Variants in FHIT observed in about 807,000 individuals in gnomAD.
FHIT encodes the protein bis(5'-adenosyl)-triphosphatase.
In FHIT, 19 loss-of-function variants were observed where a neutral mutation model predicts 17.9. That is an observed-to-expected ratio of 1.06 (90% CI 0.74 to 1.56). FHIT has a LOEUF of 1.56. FHIT is among the 40% of genes most tolerant of loss of function. The probability of loss-of-function intolerance (pLI) is 0.00; values close to 1 mark genes in which losing one functional copy is unlikely to be tolerated. For synonymous variants in FHIT, 81 were observed against 69.7 expected (o/e 1.16, Z -0.81); for missense variants, 248 against 189.2 (o/e 1.31, Z -1.82).
chr3:60,252,744 A>C (rs1410228500), intron 5 of FHIT, among the ~76,000 whole-genome samples: 1 of 152,074 alleles, frequency 6.6e-6, no homozygotes, highest in Non-Finnish European at 1.5e-5. Context: ...TAATCCCAGC[A>C]CTTTGGGAGG....
chr3:61,109,775 C>CTTT (rs1167690358), intron 2 of FHIT, among the ~76,000 whole-genome samples: 1 of 152,204 alleles, frequency 6.6e-6, no homozygotes, highest in Non-Finnish European at 1.5e-5. Context: ...CACACAAACA[C>CTTT]ATACCTGAGC....
At chr3:60,435,624 T>G (rs1388031170) in intron 5 of FHIT, among the ~76,000 whole-genome samples, 1 of 152,088 alleles carries the variant, frequency 6.6e-6, no homozygotes, top group African/African-American at 2.4e-5. Flanking sequence ...TTGAGTTACT[T>G]TGTTTTTTAA....
At chr3:60,042,161 T>G (rs528666359) in intron 5 of FHIT, among the ~76,000 whole-genome samples, 2 of 152,142 alleles carry the variant, frequency 1.3e-5, no homozygotes, top group South Asian at 4.2e-4. Flanking sequence ...GTTCAATCAA[T>G]CCCCCAGGAA....
rs188201530 is a variant in FHIT, at chr3:60,064,646, C to T, written c.104-50494G>A. ...CAGACATGAGGAAAAGCAAAGTTTG[C>T]ATGTGCACATACACACAACACAAGC... On this transcript the variant is annotated intron_variant, in intron 5 of 9. Coordinates refer to ENST00000492590, the MANE Select transcript of FHIT (RefSeq NM_002012.4). Among the ~76,000 whole-genome samples the T allele has an allele frequency of 1.2e-4, 18 of 152,284 alleles. No homozygotes were observed. The East Asian group carries it at 3.3e-3, about 28-fold the overall frequency.
At chr3:60,418,378 A>G (rs28452132) in intron 5 of FHIT, among the ~76,000 whole-genome samples, 1,954 of 4,656 alleles carry the variant, frequency 0.42, 65 homozygotes, top group Middle Eastern at 0.5. Flanking sequence ...GAATGTGTGT[A>G]TATATATATA....
intron 4 of FHIT, among the ~76,000 whole-genome samples, chr3:60,754,181 A>C (rs1553717695): frequency 6.6e-6 from 1 of 152,208 alleles, no homozygotes; most frequent in Non-Finnish European, 1.5e-5. Flanking sequence ...TATCAAAACA[A>C]AGTAAACTGT....
intron 5 of FHIT, among the ~76,000 whole-genome samples, chr3:60,490,479 A>C (rs1425905928): frequency 6.6e-6 from 1 of 152,066 alleles, no homozygotes; most frequent in African/African-American, 2.4e-5. Flanking sequence ...TCCATTTTAC[A>C]AAAGTGAGAA....
intron 5 of FHIT, among the ~76,000 whole-genome samples, chr3:60,060,172 G>A (rs1702242214): frequency 6.6e-6 from 1 of 150,668 alleles, no homozygotes; most frequent in South Asian, 2.1e-4. Context: ...ATAATGGAAG[G>A]TATAATTGGT....
intron 8 of FHIT, among the ~76,000 whole-genome samples, chr3:59,766,641 T>C (rs1701810563): frequency 6.6e-6 from 1 of 152,216 alleles, no homozygotes; most frequent in Non-Finnish European, 1.5e-5. Flanking sequence ...GTAATATACA[T>C]TTCGCATGCT....
At chr3:60,004,901 A>C (rs1421533888) in intron 7 of FHIT, among the ~76,000 whole-genome samples, 2 of 152,154 alleles carry the variant, frequency 1.3e-5, no homozygotes, top group Admixed American at 6.6e-5. Flanking sequence ...TTTTACAGGG[A>C]TTTACATGCA....
intron 2 of FHIT, among the ~76,000 whole-genome samples, chr3:61,150,981 A>G (rs1037290232): frequency 1.3e-5 from 2 of 152,242 alleles, no homozygotes; most frequent in African/African-American, 4.8e-5. Context: ...CTGCCACAGT[A>G]CATACCTTTA....
intron 2 of FHIT, among the ~76,000 whole-genome samples, chr3:61,162,071 A>G (rs991930533): frequency 8.5e-5 from 13 of 152,216 alleles, no homozygotes; most frequent in African/African-American, 3.1e-4. Context: ...TAACATTTCA[A>G]CAAAGCAAAT....
intron 5 of FHIT, among the ~76,000 whole-genome samples, chr3:60,064,425 T>A (rs865834419): frequency 2.6e-5 from 4 of 152,308 alleles, no homozygotes; most frequent in Middle Eastern, 3.4e-3. Context: ...CTGCCATCTC[T>A]ATCTTGCATT....
rs546088359 is a variant in FHIT at position 60,206,672 on chromosome 3, G to A, written c.104-192520C>T. 4.6e-5 allele frequency among the ~76,000 whole-genome samples: 7 copies of A among 152,226 alleles called. No individual in the cohort carries two copies. In the East Asian group the frequency reaches 9.7e-4, roughly 21 times the overall value. On this transcript the variant is annotated intron_variant, in intron 5 of 9. Coordinates refer to ENST00000492590, the MANE Select transcript of FHIT (RefSeq NM_002012.4). ...ATTATTTAAAGAATGCAAAAGAGGT[G>A]GACGGTTCTACCATTAAATTATCCT...
At chr3:60,086,693 ATCT>A (rs1703508186) in intron 5 of FHIT, among the ~76,000 whole-genome samples, 1 of 152,182 alleles carries the variant, frequency 6.6e-6, no homozygotes, top group African/African-American at 2.4e-5. Flanking sequence ...CTACAAAATA[ATCT>A]TCTTTGCCTC....
At chr3:60,798,157 G>C (rs1047393794) in intron 4 of FHIT, among the ~76,000 whole-genome samples, 25 of 152,268 alleles carry the variant, frequency 1.6e-4, no homozygotes, top group Non-Finnish European at 2.6e-4. Context: ...GGAGTGGCTA[G>C]AGTTGGCCCT....
At chr3:61,013,048 T>C (rs2031885971) in intron 3 of FHIT, among the ~76,000 whole-genome samples, 1 of 152,132 alleles carries the variant, frequency 6.6e-6, no homozygotes, top group Non-Finnish European at 1.5e-5. Context: ...TAAAAAATAT[T>C]TAACAATTTT....
At chr3:61,233,675 T>G (rs574209166) in intron 1 of FHIT, among the ~76,000 whole-genome samples, 1 of 152,338 alleles carries the variant, frequency 6.6e-6, no homozygotes, top group Admixed American at 6.5e-5. Context: ...TTTTCTATAA[T>G]GAACATATAT....
At chr3:60,431,096 A>C (rs1702878325) in intron 5 of FHIT, among the ~76,000 whole-genome samples, 1 of 151,944 alleles carries the variant, frequency 6.6e-6, no homozygotes, top group Admixed American at 6.6e-5. Flanking sequence ...CCTATGGTCT[A>C]AACTACTTGG....
Sources: gnomAD v4.1 joint callset for allele counts (sites outside exome capture counted in the v4.1 genomes callset) on GRCh38, gnomAD v4.1.1 for gene constraint, MANE v1.5 for transcripts, NCBI Gene and HGNC (gene_info 2026-07-23, HGNC 2026-07-21) for gene names.